REEP1: variants seen among roughly 807,000 people sequenced by gnomAD.
REEP1 encodes receptor accessory protein 1.
In REEP1, 22 loss-of-function variants were observed where a neutral mutation model predicts 40.3. The ratio of observed to expected loss-of-function variants is 0.55; its 90% CI spans 0.39 to 0.78. REEP1 has a LOEUF of 0.78. Ranked by LOEUF, REEP1 falls within the 30% of genes least tolerant of loss-of-function variation. The pLI is 0.00. For missense variants in REEP1, 280 were observed against 361.1 expected (o/e 0.78, Z 1.82); for synonymous variants, 116 against 139.2 (o/e 0.83, Z 1.17).
chr2:86,245,501 A>G (rs956375276), intron 5 of REEP1, among the ~76,000 whole-genome samples: 2 of 152,196 alleles, frequency 1.3e-5, no homozygotes, highest in African/African-American at 4.8e-5. Flanking sequence ...CATTTAAACC[A>G]CTACTGCTAT....
intron 3 of REEP1, 48 bp downstream of exon 3, chr2:86,263,917 A>G: frequency 2.1e-6 from 3 of 1,451,926 alleles, no homozygotes; most frequent in East Asian, 2.3e-5. Flanking sequence ...CCTGAGTGAC[A>G]CTAAGCAAAA....
At chr2:86,305,070 C>G (rs571833362) in intron 1 of REEP1, among the ~76,000 whole-genome samples, 7 of 151,804 alleles carry the variant, frequency 4.6e-5, no homozygotes, top group African/African-American at 1.5e-4. Context: ...AGACGAGGTA[C>G]CTTGTTAGAT....
At chr2:86,334,285 G>A (rs955170684) in intron 1 of REEP1, among the ~76,000 whole-genome samples, 5 of 152,280 alleles carry the variant, frequency 3.3e-5, no homozygotes, top group South Asian at 2.1e-4. Context: ...CACAAAGACA[G>A]GAAGACACTC....
intron 1 of REEP1, among the ~76,000 whole-genome samples, chr2:86,333,356 T>G (rs529708329): frequency 1.2e-4 from 19 of 152,360 alleles, no homozygotes; most frequent in African/African-American, 4.1e-4. Flanking sequence ...GTCCTGGAAC[T>G]TAGCCAGATC....
intron 5 of REEP1, 180 bp downstream of exon 5, chr2:86,251,777 G>T: frequency 1.5e-6 from 1 of 669,406 alleles, no homozygotes; most frequent in Non-Finnish European, 2.7e-6. Context: ...GTGTGTTGGG[G>T]GGTGAGAATT....
intron 1 of REEP1, among the ~76,000 whole-genome samples, chr2:86,327,862 T>C (rs1345496414): frequency 6.6e-6 from 1 of 152,162 alleles, no homozygotes; most frequent in Non-Finnish European, 1.5e-5. Context: ...CCACCGTGCC[T>C]GGCCCTATCT....
chr2:86,335,560 AGG>A (rs551372583), intron 1 of REEP1, among the ~76,000 whole-genome samples: 3 of 152,174 alleles, frequency 2.0e-5, no homozygotes, highest in African/African-American at 7.2e-5. Flanking sequence ...ATTGTAAAAA[AGG>A]GGGAGGAGCC....
At chr2:86,221,377 C>T (rs1037114691) in intron 7 of REEP1, among the ~76,000 whole-genome samples, 1 of 152,190 alleles carries the variant, frequency 6.6e-6, no homozygotes, top group African/African-American at 2.4e-5. Flanking sequence ...ACTGATGTTC[C>T]TTTGATTTTT....
chr2:86,284,348 C>CTG (rs10625351), intron 1 of REEP1, among the ~76,000 whole-genome samples: 132,448 of 152,070 alleles, frequency 0.87, 58,118 homozygotes, highest in East Asian at 0.96. Context: ...TCCCACAAGA[C>CTG]TGTGTTCCAC....
intron 6 of REEP1, 137 bp from the exon 7 acceptor site, chr2:86,227,535 T>C: frequency 1.6e-6 from 1 of 622,526 alleles, no homozygotes; most frequent in Non-Finnish European, 2.3e-6. Context: ...GGTGGGTCTC[T>C]GTAGAGACAC....
intron 5 of REEP1, among the ~76,000 whole-genome samples, chr2:86,249,160 G>A (rs1284384573): frequency 1.3e-5 from 2 of 152,060 alleles, no homozygotes; most frequent in Non-Finnish European, 2.9e-5. Flanking sequence ...TCAGGAGGCT[G>A]AGGCAGGGAG....
At chr2:86,267,995 T>G (rs961065396) in intron 2 of REEP1, among the ~76,000 whole-genome samples, 1 of 151,298 alleles carries the variant, frequency 6.6e-6, no homozygotes, top group African/African-American at 2.4e-5. Flanking sequence ...GAAGGGAAGC[T>G]CCTCAACTTG....
intron 5 of REEP1, among the ~76,000 whole-genome samples, chr2:86,250,493 A>G (rs1384652527): frequency 6.6e-6 from 1 of 152,186 alleles, no homozygotes. Context: ...GGTTCTTGGA[A>G]TTTATTGCTG....
intron 1 of REEP1, among the ~76,000 whole-genome samples, chr2:86,319,100 C>A (rs2104509628): frequency 6.6e-6 from 1 of 152,302 alleles, no homozygotes; most frequent in African/African-American, 2.4e-5. Context: ...GACAGAGTGT[C>A]ACGCACAGGA....
intron 1 of REEP1, among the ~76,000 whole-genome samples, chr2:86,306,956 G>A (rs1679506824): frequency 6.6e-6 from 1 of 151,656 alleles, no homozygotes; most frequent in Non-Finnish European, 1.5e-5. Context: ...TGGAATCCCA[G>A]CACTTTGGGA....
At chr2:86,235,817 T>A (rs1051307245) in intron 5 of REEP1, among the ~76,000 whole-genome samples, 2 of 152,104 alleles carry the variant, frequency 1.3e-5, no homozygotes, top group Admixed American at 1.3e-4. Context: ...TAATAATAGC[T>A]CAGTATCAAC....
intron 2 of REEP1, among the ~76,000 whole-genome samples, chr2:86,266,932 A>G (rs1051157683): frequency 6.6e-6 from 1 of 151,120 alleles, no homozygotes; most frequent in Non-Finnish European, 1.5e-5. Flanking sequence ...GCATGAACCC[A>G]GGGGGAAGAG....
At chr2:86,318,287 C>A (rs1486725379) in intron 1 of REEP1, among the ~76,000 whole-genome samples, 3 of 152,072 alleles carry the variant, frequency 2.0e-5, no homozygotes. Context: ...GTTTCAGATT[C>A]CACATTGAAA....
At chr2:86,287,063 AATAT>A (rs1365597568) in intron 1 of REEP1, among the ~76,000 whole-genome samples, 1 of 152,182 alleles carries the variant, frequency 6.6e-6, no homozygotes, top group Non-Finnish European at 1.5e-5. Context: ...TATAATGACA[AATAT>A]ATATAAAACT....
Sources: allele counts gnomAD v4.1 joint callset (sites outside exome capture counted in the v4.1 genomes callset), GRCh38; gene constraint gnomAD v4.1.1; transcripts MANE v1.5; gene names NCBI Gene and HGNC (gene_info 2026-07-23, HGNC 2026-07-21).